The following RANBP9 variants were observed in gnomAD, a reference collection of about 807,000 sequenced individuals.
The protein encoded by RANBP9 is ran-binding protein 9.
A neutral mutation model predicts 84.3 loss-of-function variants in RANBP9; 15 were observed. The ratio of observed to expected loss-of-function variants is 0.18; its 90% confidence interval spans 0.12 to 0.27. The LOEUF (loss-of-function observed/expected upper bound fraction) is 0.27, where lower values mean the gene tolerates loss of function less well. RANBP9 is among the 10% of genes least tolerant of loss of function. The probability of loss-of-function intolerance (pLI) is 1.00; values close to 1 mark genes in which losing one functional copy is unlikely to be tolerated. For synonymous variants in RANBP9, 392 were observed against 349.6 expected, an observed-to-expected ratio of 1.12 and a Z score of -1.35; for missense variants, 809 against 912.8, an observed-to-expected ratio of 0.89 and a Z score of 1.46.
intron 13 of RANBP9, 84 bp from the exon 14 acceptor site, chr6:13,622,576 C>G: frequency 7.3e-7 from 1 of 1,364,846 alleles, no homozygotes; most frequent in Non-Finnish European, 9.8e-7. Context: ...ACTGCAATGA[C>G]TTTAAAAACT....
intron 4 of RANBP9, among the ~76,000 whole-genome samples, chr6:13,654,531 G>T (rs1765359891): frequency 6.6e-6 from 1 of 152,140 alleles, no homozygotes; most frequent in Non-Finnish European, 1.5e-5. Context: ...ATCCACTTAG[G>T]AAGTATAAGG....
In RANBP9 at chr6:13,670,724, C is replaced by T. The variant is rs184653002; in HGVS notation, c.684-11892G>A. Among the ~76,000 whole-genome samples the T allele has an allele frequency of 2.2e-3, 321 of 149,254 alleles. 5 individuals carry two copies. Among genetic ancestry groups the T allele is most frequent in the East Asian group, 0.018 (88 of 4,948 alleles). ...CTGAGGCAGGAGAATGGTGTGAACC[C>T]GGGAGGTGGAGCTTGCAGTTAGCCA... On this transcript the variant is annotated intron_variant, in intron 2 of 13. Transcript: ENST00000011619.
chr6:13,681,127 G>C (rs1446918567), intron 2 of RANBP9, among the ~76,000 whole-genome samples: 1 of 152,106 alleles, frequency 6.6e-6, no homozygotes, highest in African/African-American at 2.4e-5. Flanking sequence ...CAACTACCTG[G>C]ATGAGTATCA....
chr6:13,648,856 G>GT (rs1490865639), intron 5 of RANBP9, among the ~76,000 whole-genome samples: 3 of 152,108 alleles, frequency 2.0e-5, no homozygotes, highest in Non-Finnish European at 1.5e-5. Flanking sequence ...ATGTTTTTTA[G>GT]TATGTTCACA....
chr6:13,636,365 A>T (rs1764940169), intron 10 of RANBP9, among the ~76,000 whole-genome samples: 1 of 152,226 alleles, frequency 6.6e-6, no homozygotes. Context: ...TACCAACTAC[A>T]AAATAACTTA....
intron 2 of RANBP9, among the ~76,000 whole-genome samples, chr6:13,688,316 C>G (rs977114463): frequency 1.3e-5 from 2 of 152,150 alleles, no homozygotes; most frequent in Non-Finnish European, 2.9e-5. Flanking sequence ...TGAAGGATAC[C>G]TGAGCAACTG....
intron 4 of RANBP9, among the ~76,000 whole-genome samples, chr6:13,654,295 T>G (rs1765355571): frequency 6.6e-6 from 1 of 152,206 alleles, no homozygotes. Flanking sequence ...ATATTCATAA[T>G]TTCCTGATTT....
At chr6:13,703,446 C>T (rs1758024723) in intron 1 of RANBP9, among the ~76,000 whole-genome samples, 1 of 152,218 alleles carries the variant, frequency 6.6e-6, no homozygotes, top group Admixed American at 6.5e-5. Context: ...GAGAAACTGC[C>T]TCACACATTG....
chr6:13,684,818 C>T (rs1446768792), intron 2 of RANBP9, among the ~76,000 whole-genome samples: 1 of 152,194 alleles, frequency 6.6e-6, no homozygotes, highest in Non-Finnish European at 1.5e-5. Context: ...AGGGTGTTAA[C>T]AGAGGAGCCT....
At chr6:13,647,723 A>G (rs551341530) in intron 5 of RANBP9, among the ~76,000 whole-genome samples, 11 of 152,306 alleles carry the variant, frequency 7.2e-5, no homozygotes, top group African/African-American at 2.2e-4. Context: ...TCATTTAAGT[A>G]TTTAATACTA....
chr6:13,673,101 T>A (rs1257447095), intron 2 of RANBP9, among the ~76,000 whole-genome samples: 1 of 152,132 alleles, frequency 6.6e-6, no homozygotes, highest in Non-Finnish European at 1.5e-5. Flanking sequence ...CACCTCATCT[T>A]CAAACCTAGG....
intron 4 of RANBP9, among the ~76,000 whole-genome samples, chr6:13,654,940 G>GT (rs1340057041): frequency 6.6e-6 from 1 of 152,218 alleles, no homozygotes; most frequent in East Asian, 1.9e-4. Context: ...TACTATTGCA[G>GT]TTTAGTCTAA....
chr6:13,681,532 T>C (rs142255120), intron 2 of RANBP9, among the ~76,000 whole-genome samples: 183 of 152,112 alleles, frequency 1.2e-3, no homozygotes, highest in African/African-American at 4.3e-3. Flanking sequence ...GAGGGGACTA[T>C]AGGTATTAGT....
At chr6:13,692,803 A>G (rs964651563) in intron 2 of RANBP9, among the ~76,000 whole-genome samples, 1 of 152,152 alleles carries the variant, frequency 6.6e-6, no homozygotes, top group African/African-American at 2.4e-5. Context: ...CAGTGAGCCA[A>G]GATCGTGCCA....
At position 13,629,911 on chromosome 6, in the gene RANBP9, C is replaced by G. The variant is rs1317206798; in HGVS notation, c.1947+2459G>C. On this transcript the variant is annotated intron_variant, in intron 12 of 13. Coordinates refer to ENST00000011619, the MANE Select transcript of RANBP9 (RefSeq NM_005493.3). ...CATGTCTCTGTCTCTCTCTCTCTCT[C>G]TCTCTCTCTCGTGTGTGTGTGTGTG... Among the ~76,000 whole-genome samples the G allele has an allele frequency of 7.0e-3, 875 of 125,068 alleles. 3 individuals are homozygous for G. The highest frequency in any genetic ancestry group is 0.024 in the African/African-American group (812 of 33,456). 82.0% of individuals were successfully genotyped at this position (125,068 alleles called of 152,430 possible). A position where few individuals can be genotyped will look rare whatever the true frequency, so the allele number is the denominator to read the frequency against.
At chr6:13,705,046 G>A (rs542795683) in intron 1 of RANBP9, among the ~76,000 whole-genome samples, 1 of 152,232 alleles carries the variant, frequency 6.6e-6, no homozygotes, top group South Asian at 2.1e-4. Context: ...TTCACTAAAA[G>A]CTCATTAAAT....
chr6:13,671,297 C>T (rs909900467), intron 2 of RANBP9, among the ~76,000 whole-genome samples: 1 of 152,160 alleles, frequency 6.6e-6, no homozygotes, highest in East Asian at 1.9e-4. Context: ...AAATTACACT[C>T]CCATTTTCTG....
chr6:13,690,541 T>C (rs1407068617), intron 2 of RANBP9, among the ~76,000 whole-genome samples: 1 of 152,144 alleles, frequency 6.6e-6, no homozygotes, highest in Non-Finnish European at 1.5e-5. Context: ...CAGAAGAATT[T>C]AGGAACAGAA....
chr6:13,684,160 A>G (rs1478747085), intron 2 of RANBP9, among the ~76,000 whole-genome samples: 1 of 152,140 alleles, frequency 6.6e-6, no homozygotes, highest in Non-Finnish European at 1.5e-5. Context: ...TGCAGCACCT[A>G]TTTTGTGTCT....
Sources: allele counts gnomAD v4.1 joint callset (sites outside exome capture counted in the v4.1 genomes callset), GRCh38; gene constraint gnomAD v4.1.1; transcripts MANE v1.5; gene names NCBI Gene and HGNC (gene_info 2026-07-23, HGNC 2026-07-21).